The following SGCZ variants were observed in gnomAD, a reference collection of about 807,000 sequenced individuals.
SGCZ encodes the protein zeta-sarcoglycan.
SGCZ carries 40 observed loss-of-function variants against 41.3 expected under a neutral mutation model. That is an observed-to-expected ratio of 0.97 (90% confidence interval 0.75 to 1.26). The LOEUF (loss-of-function observed/expected upper bound fraction) is 1.26, where lower values mean the gene tolerates loss of function less well. SGCZ is among the 50% of genes most tolerant of loss of function. The pLI, the probability that SGCZ is intolerant of heterozygous loss-of-function variation, is 0.00. For missense variants in SGCZ, 552 were observed against 369.8 expected, an observed-to-expected ratio of 1.49 and a Z score of -4.04; for synonymous variants, 206 against 137.5, an observed-to-expected ratio of 1.50 and a Z score of -3.49.
chr8:14,823,053 C>CAAAAAAAAAAAA (rs1287129558), intron 1 of SGCZ, among the ~76,000 whole-genome samples: 2 of 69,378 alleles, frequency 2.9e-5, no homozygotes, highest in Non-Finnish European at 4.4e-5. Flanking sequence ...CACCAATCCT[C>CAAAAAAAAAAAA]ATAAAAAAAA....
chr8:15,036,922 A>G (rs1803895354), intron 1 of SGCZ, among the ~76,000 whole-genome samples: 1 of 152,164 alleles, frequency 6.6e-6, no homozygotes. Context: ...TCCGAGGAAT[A>G]AAAGAATGGA....
At chr8:14,396,063 C>T (rs182879412) in intron 2 of SGCZ, among the ~76,000 whole-genome samples, 28 of 152,172 alleles carry the variant, frequency 1.8e-4, no homozygotes, top group African/African-American at 4.3e-4. Context: ...AATGTAAGAC[C>T]AAGGTATGGG....
intron 1 of SGCZ, among the ~76,000 whole-genome samples, chr8:15,137,850 C>G (rs1430777444): frequency 6.6e-6 from 1 of 152,208 alleles, no homozygotes; most frequent in African/African-American, 2.4e-5. Context: ...TTGGAGCCCC[C>G]ACACAGAGTC....
rs528414593 is a variant in SGCZ at position 14,354,377 on chromosome 8, TA to T, written c.235-30174del. ...AAGAAAAGCGTAGAAAAGAATTTTT[TA>T]AAAAACTCCTATAATGATACCACTT... is the stretch of plus-strand genomic sequence containing the variant. On this transcript the variant is annotated intron_variant, in intron 2 of 7. Coordinates refer to ENST00000382080, the MANE Select transcript of SGCZ (RefSeq NM_139167.4). 8.3e-4 allele frequency among the ~76,000 whole-genome samples: 126 copies of T among 151,934 alleles called. 1 individual carries two copies. The highest frequency in any genetic ancestry group is 7.1e-3 in the Admixed American group (108 of 15,250).
At chr8:14,700,123 A>G (rs1809088837) in intron 1 of SGCZ, among the ~76,000 whole-genome samples, 1 of 151,972 alleles carries the variant, frequency 6.6e-6, no homozygotes, top group Non-Finnish European at 1.5e-5. Context: ...CAAAAAGAAA[A>G]TCAACCATTC....
intron 1 of SGCZ, among the ~76,000 whole-genome samples, chr8:14,871,864 A>ATATATATGTATG (rs199726116): frequency 6.6e-5 from 10 of 150,458 alleles, no homozygotes; most frequent in South Asian, 2.1e-4. Context: ...GCATGTATGT[A>ATATATATGTATG]TATATATGTA....
intron 1 of SGCZ, among the ~76,000 whole-genome samples, chr8:15,050,696 G>C (rs576068709): frequency 6.6e-5 from 10 of 152,258 alleles, no homozygotes; most frequent in African/African-American, 2.4e-4. Flanking sequence ...CCAAATCAGA[G>C]TGAATTGATA....
Position 14,400,320 on chromosome 8 carries a change from T to A in SGCZ, c.235-76116A>T, listed in dbSNP as rs543923707. On this transcript the variant is annotated intron_variant, in intron 2 of 7. Coordinates refer to ENST00000382080, the MANE Select transcript of SGCZ (RefSeq NM_139167.4). ...ATTAAGAATAATACACATACAAGCA[T>A]GCATGAACAAGATTTTGTGTGGATA... is the stretch of plus-strand genomic sequence containing the variant. Among the ~76,000 whole-genome samples, 7 of 152,286 alleles carry A rather than the reference T, an allele frequency of 4.6e-5. No individual in the cohort carries two copies. In the South Asian group the frequency reaches 1.4e-3, roughly 32 times the overall value.
intron 2 of SGCZ, among the ~76,000 whole-genome samples, chr8:14,474,904 A>G (rs1318673074): frequency 6.6e-6 from 1 of 152,190 alleles, no homozygotes; most frequent in African/African-American, 2.4e-5. Flanking sequence ...AAAAGGTCAA[A>G]TCTGCTGTAA....
intron 2 of SGCZ, among the ~76,000 whole-genome samples, chr8:14,410,967 A>T (rs969695895): frequency 8.5e-5 from 13 of 152,160 alleles, no homozygotes; most frequent in African/African-American, 3.1e-4. Context: ...CTTTTAAAAA[A>T]ATTTCAATAG....
intron 5 of SGCZ, among the ~76,000 whole-genome samples, chr8:14,109,816 T>C (rs575259608): frequency 2.6e-5 from 4 of 152,208 alleles, no homozygotes; most frequent in African/African-American, 9.6e-5. Context: ...TATGATTTCA[T>C]CTATATTATG....
chr8:14,459,305 A>G (rs563648105), intron 2 of SGCZ, among the ~76,000 whole-genome samples: 1 of 152,266 alleles, frequency 6.6e-6, no homozygotes, highest in Admixed American at 6.5e-5. Context: ...ATTAGGAGAT[A>G]TACCTAATGT....
intron 4 of SGCZ, among the ~76,000 whole-genome samples, chr8:14,203,657 G>A (rs1805527376): frequency 6.6e-6 from 1 of 152,170 alleles, no homozygotes; most frequent in African/African-American, 2.4e-5. Flanking sequence ...GTCACTGGAG[G>A]TGAGCACCAC....
At chr8:14,172,315 C>G (rs1396801754) in intron 4 of SGCZ, among the ~76,000 whole-genome samples, 1 of 152,044 alleles carries the variant, frequency 6.6e-6, no homozygotes, top group Admixed American at 6.6e-5. Flanking sequence ...ATTGTGGCAA[C>G]AAGAGAAAGG....
intron 2 of SGCZ, among the ~76,000 whole-genome samples, chr8:14,337,816 T>C (rs1468754138): frequency 6.6e-6 from 1 of 152,042 alleles, no homozygotes; most frequent in Admixed American, 6.6e-5. Flanking sequence ...ATAGAAAAGA[T>C]GGTTATAAAA....
intron 1 of SGCZ, among the ~76,000 whole-genome samples, chr8:14,555,246 C>G (rs1421137631): frequency 4.6e-5 from 7 of 152,000 alleles, no homozygotes; most frequent in Non-Finnish European, 1.0e-4. Flanking sequence ...AACTAAAGAA[C>G]TCTACTCATG....
chr8:15,009,411 A>C (rs1384093550), intron 1 of SGCZ, among the ~76,000 whole-genome samples: 1 of 152,254 alleles, frequency 6.6e-6, no homozygotes, highest in Non-Finnish European at 1.5e-5. Flanking sequence ...GTTGGGTATT[A>C]CAATTCTACA....
chr8:14,625,683 G>A (rs973123114), intron 1 of SGCZ, among the ~76,000 whole-genome samples: 2 of 151,978 alleles, frequency 1.3e-5, no homozygotes, highest in Non-Finnish European at 1.5e-5. Flanking sequence ...CTCCCACCTT[G>A]GCCTCCCAAA....
At chr8:14,922,338 A>G (rs1239674418) in intron 1 of SGCZ, among the ~76,000 whole-genome samples, 1 of 152,198 alleles carries the variant, frequency 6.6e-6, no homozygotes, top group African/African-American at 2.4e-5. Context: ...TTTCAAACTA[A>G]AAACATCATG....
Sources: gnomAD v4.1 joint callset for allele counts (sites outside exome capture counted in the v4.1 genomes callset) on GRCh38, gnomAD v4.1.1 for gene constraint, MANE v1.5 for transcripts, NCBI Gene and HGNC (gene_info 2026-07-23, HGNC 2026-07-21) for gene names.